Variants in LMNB2 observed in about 807,000 individuals in gnomAD.
LMNB2 encodes lamin-B2.
A neutral mutation model predicts 69.3 loss-of-function variants in LMNB2; 17 were observed. That is an observed-to-expected ratio of 0.25 (90% CI 0.17 to 0.37). The LOEUF (loss-of-function observed/expected upper bound fraction) is 0.37, where lower values mean the gene tolerates loss of function less well. LMNB2 is among the 10% of genes least tolerant of loss of function. LMNB2 has a pLI of 1.00. For missense variants in LMNB2, 789 were observed against 883.6 expected (o/e 0.89, Z 1.36); for synonymous variants, 397 against 389.3 (o/e 1.02, Z -0.23).
At chr19:2,434,692 G>C in intron 6 of LMNB2, 96 bp downstream of exon 6, 3 of 1,521,614 alleles carry the variant, frequency 2.0e-6, no homozygotes, top group Non-Finnish European at 2.6e-6. Flanking sequence ...GGCTGCATCC[G>C]ATGCCAAGAG....
chr19:2,431,373 G>C (rs1211300000), intron 11 of LMNB2, among the ~76,000 whole-genome samples, 175 bp downstream of exon 11: 1 of 152,144 alleles, frequency 6.6e-6, no homozygotes, highest in African/African-American at 2.4e-5. Flanking sequence ...GACCCAGGAG[G>C]CAAGAACAGG....
chr19:2,435,360 G>A (rs1482811813), intron 4 of LMNB2, among the ~76,000 whole-genome samples, 189 bp from the exon 5 acceptor site: 1 of 152,238 alleles, frequency 6.6e-6, no homozygotes, highest in Non-Finnish European at 1.5e-5. Context: ...ACGTGACTCA[G>A]CCACGAAAAG....
intron 1 of LMNB2, among the ~76,000 whole-genome samples, chr19:2,455,639 C>G (rs1000706348): frequency 6.6e-6 from 1 of 152,126 alleles, no homozygotes; most frequent in South Asian, 2.1e-4. Context: ...CCTGGGACCC[C>G]CTCCATAGGT....
Position 2,435,164 on chromosome 19 carries a change from C to G in LMNB2, c.692G>C (p.Arg231Pro). ...CCGCTCGTGCCGCCGCCGCGTCTCC[C>G]GCACCTCCTGCGGACCAAGGCTTCG... ...FRKSVFEEEVRETRRRHERRL... is the reference protein window; with the variant it reads ...FRKSVFEEEVPETRRRHERRL... The change falls in exon 5 of 12, where the codon CGG becomes CCG. Residue 231 changes from arginine to proline, a missense_variant. This residue lies in a region of LMNB2 where 609 missense variants were observed against 630.9 expected (regional missense o/e 0.97). Coordinates refer to ENST00000325327, the MANE Select transcript of LMNB2 (RefSeq NM_032737.4). The G allele has an allele frequency of 6.2e-7, 1 of 1,602,148 alleles. No individual in the cohort carries two copies. Among genetic ancestry groups the G allele is most frequent in the Non-Finnish European group, 8.5e-7 (1 of 1,179,544 alleles).
rs1971697927 is a variant in LMNB2, at chr19:2,428,988, G to C, written c.*1923C>G. The C allele has an allele frequency of 6.6e-6, 1 of 152,222 alleles. No homozygotes were observed. Among genetic ancestry groups the C allele is most frequent in the African/African-American group, 2.4e-5 (1 of 41,454 alleles). 9.4% of individuals were successfully genotyped at this position (152,222 alleles called of 1,614,324 possible). ...GCTGTTTTCAGGACAGGACTGGGCAGCGTCTGGACATGAGGACCTGCGGGT... is the reference window on the plus strand; with the variant it reads ...GCTGTTTTCAGGACAGGACTGGGCACCGTCTGGACATGAGGACCTGCGGGT... On this transcript the variant is annotated 3_prime_UTR_variant, in exon 12 of 12. Transcript: ENST00000325327.
chr19:2,438,602 C>T lies in LMNB2; in HGVS notation c.402-71G>A, dbSNP rs562276245. ...GGGCCACAGGGAGCACCTCAGGGGG[C>T]GTCAGGCAAGCCCAAAGACAAGGTC... On this transcript the variant is annotated intron_variant, in intron 2 of 11. Coordinates refer to ENST00000325327, the MANE Select transcript of LMNB2 (RefSeq NM_032737.4). The T allele has an allele frequency of 3.5e-4, 550 of 1,552,816 alleles. 2 individuals are homozygous for T. The African/African-American group carries it at 5.1e-3, about 15-fold the overall frequency.
rs546182931 is a variant in LMNB2, at chr19:2,449,834, G to C, written c.265-5294C>G. Reference sequence around the variant, plus strand: ...CTCACGCCTGTCATCCCAGCACTTCGGGAGGCCAAGGCAGTTGGATCACCT... The same window carrying C: ...CTCACGCCTGTCATCCCAGCACTTCCGGAGGCCAAGGCAGTTGGATCACCT... On this transcript the variant is annotated intron_variant, in intron 1 of 11. Coordinates refer to ENST00000325327, the MANE Select transcript of LMNB2 (RefSeq NM_032737.4). Among the ~76,000 whole-genome samples the C allele has an allele frequency of 1.1e-3, 172 of 152,050 alleles. 1 individual carries two copies. Among genetic ancestry groups the C allele is most frequent in the African/African-American group, 4.1e-3 (168 of 41,452 alleles).
chr19:2,434,331 T>C lies in LMNB2; in HGVS notation c.1166A>G (p.Asn389Ser). 6.2e-7 allele frequency: 1 copy of C among 1,613,120 alleles called. No homozygotes were observed. Among genetic ancestry groups the C allele is most frequent in the South Asian group, 1.1e-5 (1 of 91,084 alleles). The change falls in exon 7 of 12, where the codon AAC becomes AGC. Residue 389 changes from asparagine (N) to serine (S), a missense_variant. Physicochemically the swap from Asn to Ser is conservative, Grantham distance 46. Coordinates refer to ENST00000325327, the MANE Select transcript of LMNB2 (RefSeq NM_032737.4). ...DVKLALDMEINAYRKLLEGEE... is the reference protein window; with the variant it reads ...DVKLALDMEISAYRKLLEGEE... ...GCCCTCCAGGAGCTTCCGGTAGGCGTTGATCTCCATGTCCAGGGCCAGCTT... is the reference window on the plus strand; with the variant it reads ...GCCCTCCAGGAGCTTCCGGTAGGCGCTGATCTCCATGTCCAGGGCCAGCTT...
intron 2 of LMNB2, among the ~76,000 whole-genome samples, chr19:2,442,554 G>C (rs1025079012): frequency 4.6e-5 from 7 of 152,112 alleles, no homozygotes; most frequent in African/African-American, 1.4e-4. Flanking sequence ...GGGTGACAGA[G>C]CAAGACTATG....
At chr19:2,456,612 G>A (rs918537688) in intron 1 of LMNB2, 58 bp downstream of exon 1, 72 of 1,355,576 alleles carry the variant, frequency 5.3e-5, no homozygotes, top group Non-Finnish European at 6.6e-5. Context: ...CGCGCGCCCC[G>A]CGGTGGGCGG....
chr19:2,445,411 C>T lies in LMNB2; in HGVS notation c.265-871G>A, dbSNP rs557337557. Among the ~76,000 whole-genome samples, 234 of 152,220 alleles carry T rather than the reference C, an allele frequency of 1.5e-3. 1 individual carries two copies. The highest frequency in any genetic ancestry group is 5.2e-3 in the African/African-American group (215 of 41,512). On this transcript the variant is annotated intron_variant, in intron 1 of 11. Transcript: ENST00000325327. ...TGGAGGGAGGAGCATCTGGCCTTCC[C>T]ATGCTGTGTCCCCCCGACAGGCCAG... is the stretch of plus-strand genomic sequence containing the variant.
At position 2,452,125 on chromosome 19, in the gene LMNB2, C is replaced by T. The variant is rs141176240; in HGVS notation, c.264+4545G>A. The stretch of plus-strand genomic sequence containing the variant: ...ACCCATCTGGCCAGCCCCCACCCCA[C>T]CCTTTCCCAAGCCCTCCAACGATGC... On this transcript the variant is annotated intron_variant, in intron 1 of 11. Transcript: ENST00000325327. 3.4e-3 allele frequency among the ~76,000 whole-genome samples: 511 copies of T among 152,270 alleles called. 3 individuals carry two copies. The highest frequency in any genetic ancestry group is 0.012 in the African/African-American group (495 of 41,560).
Position 2,435,002 on chromosome 19 carries a change from T to C in LMNB2, c.854A>G (p.Lys285Arg), listed in dbSNP as rs764187544. The C allele has an allele frequency of 1.5e-5, 20 of 1,344,964 alleles. No homozygotes were observed. Among genetic ancestry groups the C allele is most frequent in the Non-Finnish European group, 1.8e-5 (18 of 1,003,128 alleles). The allele number at this position is 1,344,964 out of a possible 1,614,324, so 83.3% of individuals were successfully genotyped here. ...CGCCCACCCGCCTGCCGGCCACACC[T>C]TGGCCTGGTAGGTCTGCTCCAGCTC... ...KLELEQTYQA[K>R]LDSAKLSSDQ... The change falls in exon 5 of 12, where the codon AAG (lysine) becomes AGG (arginine). Residue 285 changes from lysine (K) to arginine (R), a missense_variant and splice_region_variant. Coordinates refer to ENST00000325327, the MANE Select transcript of LMNB2 (RefSeq NM_032737.4).
rs1427385354 is a variant in LMNB2 at position 2,434,339 on chromosome 19, C to G, written c.1158G>C (p.Met386Ile). ...GGAGCTTCCGGTAGGCGTTGATCTC[C>G]ATGTCCAGGGCCAGCTTCACGTCCA... ...ELLDVKLALD[M>I]EINAYRKLLE... is the part of the protein sequence containing the mutation. Residue 386 changes from methionine (M) to isoleucine (I), a missense_variant, in exon 7 of 12, where the codon ATG becomes ATC. By Grantham distance (10) the Met-to-Ile change is conservative. Transcript: ENST00000325327. The G allele has an allele frequency of 2.5e-6, 4 of 1,613,210 alleles. No homozygotes were observed. In the South Asian group the frequency reaches 4.4e-5, roughly 18 times the overall value.
intron 6 of LMNB2, 40 bp from the exon 7 acceptor site, chr19:2,434,555 G>A: frequency 6.3e-7 from 1 of 1,591,238 alleles, no homozygotes; most frequent in South Asian, 1.1e-5. Context: ...GGCAGCCCAT[G>A]GGTCACAAGG....
At position 2,444,730 on chromosome 19, in the gene LMNB2, C is replaced by T. The variant is rs79805991; in HGVS notation, c.265-190G>A. ...AGACACAGCAAAGGGAGCCCCCTGT[C>T]GGGGAGGGTCCGGTAACCAGGAGGA... On this transcript the variant is annotated intron_variant, in intron 1 of 11. Coordinates refer to ENST00000325327, the MANE Select transcript of LMNB2 (RefSeq NM_032737.4). 3.9e-3 allele frequency among the ~76,000 whole-genome samples: 596 copies of T among 152,336 alleles called. 21 individuals are homozygous for T. The East Asian group carries it at 0.066, about 17-fold the overall frequency.
rs1394723211 is a variant in LMNB2 at position 2,428,252 on chromosome 19, C to T, written c.*2659G>A. The T allele has an allele frequency of 6.6e-6, 1 of 151,786 alleles. No individual in the cohort carries two copies. The highest frequency in any genetic ancestry group is 6.6e-5 in the Admixed American group (1 of 15,248). The allele number at this position is 151,786 out of a possible 1,614,324, so 9.4% of individuals were successfully genotyped here. A position where few individuals can be genotyped will look rare whatever the true frequency, so the allele number is the denominator to read the frequency against. On this transcript the variant is annotated 3_prime_UTR_variant, in exon 12 of 12. Transcript: ENST00000325327. ...ACAAATCATTGGAAAAAAAAAAGAA[C>T]ACATTAGGCATGCATCTTCTTAAAA...
chr19:2,430,047 TC>T lies in LMNB2; in HGVS notation c.*863del, dbSNP rs1330276637. The T allele has an allele frequency of 6.5e-5, 10 of 153,008 alleles. No homozygotes were observed. The highest frequency in any genetic ancestry group is 1.3e-4 in the Non-Finnish European group (9 of 68,702). The allele number at this position is 153,008 out of a possible 1,614,324, so 9.5% of individuals were successfully genotyped here. ...CGGGAGGGGCTCCACAGCGCTCTCC[TC>T]CAGAGGGTCAACATGGTGGCGTTCC... On this transcript the variant is annotated 3_prime_UTR_variant, in exon 12 of 12. Transcript: ENST00000325327.
intron 1 of LMNB2, among the ~76,000 whole-genome samples, chr19:2,448,675 G>T (rs1329953930): frequency 6.6e-6 from 1 of 152,038 alleles, no homozygotes; most frequent in Non-Finnish European, 1.5e-5. Context: ...GTGAAACCCT[G>T]TCTCTACTAA....
Sources: allele counts gnomAD v4.1 joint callset (sites outside exome capture counted in the v4.1 genomes callset), GRCh38; gene constraint gnomAD v4.1.1; regional missense constraint gnomAD v4.1.1; transcripts MANE v1.5; gene names NCBI Gene and HGNC (gene_info 2026-07-23, HGNC 2026-07-21).